SDSL: variants seen among roughly 807,000 people sequenced by gnomAD.
SDSL encodes serine dehydratase like, also known as serine dehydratase-like.
In SDSL, 26 loss-of-function variants were observed where a neutral mutation model predicts 27.6. That is an observed-to-expected ratio of 0.94 (90% CI 0.69 to 1.31). SDSL has a LOEUF of 1.31. Among genes scored for constraint, SDSL ranks in the 50% most tolerant of loss-of-function variants. The pLI is 0.00. For synonymous variants in SDSL, 196 were observed against 180.6 expected (o/e 1.09, Z -0.69); for missense variants, 431 against 423.5 (o/e 1.02, Z -0.16).
intron 1 of SDSL, chr12:113,426,178 T>A (rs1957848585): frequency 2.2e-6 from 1 of 455,478 alleles, no homozygotes; most frequent in South Asian, 1.6e-5. Context: ...TCTGTCTGCA[T>A]CCGCGGCACC....
chr12:113,428,310 A>C, intron 2 of SDSL, 110 bp from the exon 3 acceptor site: 9 of 1,308,142 alleles, frequency 6.9e-6, no homozygotes, highest in Middle Eastern at 4.8e-4. Context: ...GGGCAGGATG[A>C]GGGGTAAAGG....
In SDSL at chr12:113,434,183, G is replaced by T. The variant is rs754925292; in HGVS notation, c.404G>T (p.Gly135Val). Residue 135 changes from glycine to valine, a missense_variant, in exon 5 of 8, where the codon GGC (glycine) becomes GTC (valine). Physicochemically the swap from Gly to Val is moderately radical, Grantham distance 109 (BLOSUM62 -3). Coordinates refer to ENST00000403593, the MANE Select transcript of SDSL (RefSeq NM_001304993.2). ...GCGCAAGAGTTGGCCAAGAGGGACG[G>T]CTGGGAGAATGTCCCCCCGTTTGAC... is the stretch of plus-strand genomic sequence containing the variant. The part of the protein sequence containing the change: ...LRAQELAKRD[G>V]WENVPPFDHP... 1.2e-6 allele frequency: 2 copies of T among 1,613,690 alleles called. No individual in the cohort carries two copies. The highest frequency in any genetic ancestry group is 1.7e-6 in the Non-Finnish European group (2 of 1,179,728).
In SDSL at chr12:113,428,189, G is replaced by A. The variant is rs780114269; in HGVS notation, c.174+33G>A. ...TGTGTGGGAAGGAGGGGAGAAGTGA[G>A]GTTGTGCAGGAGGGAGGGAAGAGTG... On this transcript the variant is annotated intron_variant, in intron 2 of 7. Transcript: ENST00000403593. The A allele has an allele frequency of 3.2e-6, 5 of 1,575,432 alleles. No homozygotes were observed. The African/African-American group carries it at 6.7e-5, about 21-fold the overall frequency.
Position 113,436,819 on chromosome 12 carries a change from T to G in SDSL, c.740T>G (p.Ile247Ser), listed in dbSNP as rs200840250. ...CTGGAGTGCATGCAGGTGTGCAAGATTCACTCTGAAGTGGTGGAGGACACC... is the reference window on the plus strand; with the variant it reads ...CTGGAGTGCATGCAGGTGTGCAAGAGTCACTCTGAAGTGGTGGAGGACACC... ...RALECMQVCK[I>S]HSEVVEDTEA... The change falls in exon 7 of 8, where the codon ATT becomes AGT. Residue 247 changes from isoleucine to serine, a missense_variant. Physicochemically the swap from Ile to Ser is moderately radical, Grantham distance 142. Transcript: ENST00000403593. 1.9e-5 allele frequency: 31 copies of G among 1,612,224 alleles called. No individual in the cohort carries two copies. The highest frequency in any genetic ancestry group is 2.1e-5 in the Non-Finnish European group (25 of 1,179,688).
At chr12:113,427,878 C>A in intron 1 of SDSL, 84 bp from the exon 2 acceptor site, 1 of 1,302,548 alleles carries the variant, frequency 7.7e-7, no homozygotes, top group Non-Finnish European at 1.0e-6. Flanking sequence ...AAGCCAAGGG[C>A]TTTCTCCACC....
At position 113,429,227 on chromosome 12, in the gene SDSL, C is replaced by G. The variant is rs775081354; in HGVS notation, c.282C>G (p.Leu94=). The change falls in exon 4 of 8, where the codon CTC becomes CTG. Residue 94 remains leucine, a synonymous_variant. Transcript: ENST00000403593. ...TGGGCATTCCTGCCACCATCGTGCT[C>G]CCCGAGAGCACCTCCCTGCAGGTGG... The part of the protein sequence containing the change: ...RKLGIPATIV[L]PESTSLQVVQ... 1 of 1,613,734 alleles carries G rather than the reference C, an allele frequency of 6.2e-7. No individual in the cohort carries two copies. Among genetic ancestry groups the G allele is most frequent in the African/African-American group, 1.3e-5 (1 of 74,854 alleles).
intron 6 of SDSL, 45 bp from the exon 7 acceptor site, chr12:113,436,706 C>A (rs1187563538): frequency 4.6e-6 from 7 of 1,524,016 alleles, no homozygotes; most frequent in South Asian, 1.3e-5. Flanking sequence ...ACCAGCTCTT[C>A]CCTGAGCCCC....
At position 113,435,382 on chromosome 12, in the gene SDSL, C is replaced by A; in HGVS notation, c.497C>A (p.Pro166Gln). 1 of 1,604,492 alleles carries A rather than the reference C, an allele frequency of 6.2e-7. No individual in the cohort carries two copies. The highest frequency in any genetic ancestry group is 1.3e-5 in the African/African-American group (1 of 74,890). ...CTGAAAGCAGTGCTGAGGACCCCAC[C>A]AGGTGCCCTGGTGCTGGCAGTTGGG... ...QELKAVLRTP[P>Q]GALVLAVGGG... The change falls in exon 6 of 8, where the codon CCA (proline) becomes CAA (glutamine). Residue 166 changes from proline to glutamine, a missense_variant. Transcript: ENST00000403593.
Position 113,434,124 on chromosome 12 carries a change from T to C in SDSL, c.355-10T>C, listed in dbSNP as rs371055024. ...CCCGGCTGTTCTGAGGGCCCTTGGT[T>C]TCTCTGTAGGTCTGGGACGAGGCCA... On this transcript the variant is annotated splice_polypyrimidine_tract_variant and intron_variant, in intron 4 of 7. Transcript: ENST00000403593. 24 of 1,611,726 alleles carry C rather than the reference T, an allele frequency of 1.5e-5. No homozygotes were observed. In the East Asian group the frequency reaches 5.4e-4, roughly 36 times the overall value.
At chr12:113,429,120 A>G (rs771023232) in intron 3 of SDSL, 40 bp from the exon 4 acceptor site, 11 of 1,586,554 alleles carry the variant, frequency 6.9e-6, no homozygotes, top group Admixed American at 1.7e-5. Flanking sequence ...TCAAAGGCCA[A>G]TCAGCTCTGC....
At chr12:113,435,956 T>TA (rs1333198549) in intron 6 of SDSL, among the ~76,000 whole-genome samples, 3 of 151,992 alleles carry the variant, frequency 2.0e-5, no homozygotes, top group African/African-American at 4.8e-5. Flanking sequence ...CTGTCTCTAC[T>TA]AAAAAAATAC....
intron 1 of SDSL, among the ~76,000 whole-genome samples, chr12:113,423,506 G>C (rs1033276741): frequency 4.6e-5 from 7 of 152,118 alleles, no homozygotes; most frequent in African/African-American, 1.7e-4. Flanking sequence ...GTTTTGAGAG[G>C]CAGAGACAAG....
chr12:113,427,887 C>A lies in SDSL; in HGVS notation c.-21-75C>A. The stretch of plus-strand genomic sequence containing the variant: ...GCACCTAAGCCAAGGGCTTTCTCCA[C>A]CTTCCCCTCCCTGTCCTGGTTAAGG... On this transcript the variant is annotated intron_variant, in intron 1 of 7. Coordinates refer to ENST00000403593, the MANE Select transcript of SDSL (RefSeq NM_001304993.2). 3 of 1,383,794 alleles carry A rather than the reference C, an allele frequency of 2.2e-6. 1 individual carries two copies. Among genetic ancestry groups the A allele is most frequent in the South Asian group, 2.8e-5 (2 of 71,056 alleles). The allele number at this position is 1,383,794 out of a possible 1,614,324, so 85.7% of individuals were successfully genotyped here.
At chr12:113,432,253 T>TTTCTTTCTTTCTTTCTTTC (rs1565879079) in intron 4 of SDSL, among the ~76,000 whole-genome samples, 3 of 142,932 alleles carry the variant, frequency 2.1e-5, no homozygotes, top group Admixed American at 7.0e-5. Context: ...TCTTTCTTTC[T>TTTCTTTCTTTCTTTCTTTC]TTCTTTCTTT....
At chr12:113,428,583 A>T in intron 3 of SDSL, 124 bp downstream of exon 3, 1 of 755,434 alleles carries the variant, frequency 1.3e-6, no homozygotes. Flanking sequence ...CATTGATGAG[A>T]TGACTACTGT....
At chr12:113,427,805 G>C (rs181937080) in intron 1 of SDSL, among the ~76,000 whole-genome samples, 157 bp from the exon 2 acceptor site, 1 of 152,356 alleles carries the variant, frequency 6.6e-6, no homozygotes, top group Non-Finnish European at 1.5e-5. Flanking sequence ...CTGAGGCCCA[G>C]AGAGTCACAG....
intron 1 of SDSL, 60 bp downstream of exon 1, chr12:113,422,537 T>G (rs1318600270): frequency 6.6e-6 from 1 of 152,652 alleles, no homozygotes; most frequent in Non-Finnish European, 1.5e-5. Flanking sequence ...AATGAGAGGC[T>G]GATGAGAGGC....
At chr12:113,432,507 A>G (rs1200418087) in intron 4 of SDSL, among the ~76,000 whole-genome samples, 5 of 150,278 alleles carry the variant, frequency 3.3e-5, no homozygotes, top group Admixed American at 6.6e-5. Context: ...ACACCCGGCT[A>G]TTTTTTTGTA....
intron 4 of SDSL, among the ~76,000 whole-genome samples, chr12:113,429,833 A>G (rs1957898013): frequency 6.6e-6 from 1 of 152,204 alleles, no homozygotes; most frequent in Non-Finnish European, 1.5e-5. Context: ...CTCGAAATTA[A>G]AACTAAAAGC....
Sources: allele counts gnomAD v4.1 joint callset (sites outside exome capture counted in the v4.1 genomes callset), GRCh38; gene constraint gnomAD v4.1.1; transcripts MANE v1.5; gene names NCBI Gene and HGNC (gene_info 2026-07-23, HGNC 2026-07-21).